AKAP7: variants seen among roughly 807,000 people sequenced by gnomAD.
The protein encoded by AKAP7 is A kinase (PRKA) anchor protein 7.
Under a neutral mutation model 39.5 loss-of-function variants are expected in AKAP7, and 39 were observed. The ratio of observed to expected loss-of-function variants is 0.99; its 90% confidence interval spans 0.76 to 1.29. The LOEUF is 1.29. Ranked by LOEUF, AKAP7 falls within the 50% of genes most tolerant of loss-of-function variation. The pLI, the probability that AKAP7 is intolerant of heterozygous loss-of-function variation, is 0.00. For missense variants in AKAP7, 414 were observed against 407.7 expected (o/e 1.02, Z -0.13); for synonymous variants, 140 against 139.1 (o/e 1.01, Z -0.05).
At chr6:131,140,092 A>T (rs943883463) in intron 1 of AKAP7, among the ~76,000 whole-genome samples, 1 of 152,166 alleles carries the variant, frequency 6.6e-6, no homozygotes, top group African/African-American at 2.4e-5. Context: ...GTCTGGTGTG[A>T]GGTCAAGGTA....
At chr6:131,198,571 C>T (rs571126163) in intron 5 of AKAP7, among the ~76,000 whole-genome samples, 1 of 152,178 alleles carries the variant, frequency 6.6e-6, no homozygotes, top group Admixed American at 6.5e-5. Context: ...GTTAATTATT[C>T]CCCACTACTG....
intron 5 of AKAP7, among the ~76,000 whole-genome samples, chr6:131,186,460 C>T (rs536428170): frequency 2.6e-5 from 4 of 152,146 alleles, no homozygotes; most frequent in East Asian, 1.9e-4. Context: ...GCAGAAATGG[C>T]GTAATACAAC....
intron 1 of AKAP7, among the ~76,000 whole-genome samples, chr6:131,136,085 A>G (rs925517503): frequency 6.6e-6 from 1 of 152,190 alleles, no homozygotes; most frequent in Non-Finnish European, 1.5e-5. Flanking sequence ...CCTTTGCACA[A>G]AGTTCATGCC....
At chr6:131,260,157 G>A (rs1175430313) in intron 7 of AKAP7, among the ~76,000 whole-genome samples, 3 of 152,076 alleles carry the variant, frequency 2.0e-5, no homozygotes, top group Non-Finnish European at 4.4e-5. Context: ...AGGCTGCATA[G>A]TATTCCATGG....
At chr6:131,236,098 G>A (rs1161118904) in intron 7 of AKAP7, among the ~76,000 whole-genome samples, 1 of 152,106 alleles carries the variant, frequency 6.6e-6, no homozygotes, top group Non-Finnish European at 1.5e-5. Flanking sequence ...GTAAAGAAGG[G>A]ATCCAGTTTC....
rs1803390658 is a variant in AKAP7, at chr6:131,165,506, A to G, written c.428+289A>G. ...CCATTTAGCTTAAAATTCTAGATAC[A>G]TATTCTGGAATCATGGCAAAACCAC... On this transcript the variant is annotated intron_variant, in intron 4 of 7. Transcript: ENST00000431975. Among the ~76,000 whole-genome samples, 3 of 152,318 alleles carry G rather than the reference A, an allele frequency of 2.0e-5. No homozygotes were observed. In the South Asian group the frequency reaches 6.2e-4, roughly 32 times the overall value.
chr6:131,250,725 C>G, intron 7 of AKAP7: 2 of 1,106,302 alleles, frequency 1.8e-6, no homozygotes, highest in Non-Finnish European at 2.7e-6. Context: ...GCAGACTAAT[C>G]AGCTATGGTT....
At chr6:131,165,355 A>C (rs753395517) in intron 4 of AKAP7, 138 bp downstream of exon 4, 1 of 589,566 alleles carries the variant, frequency 1.7e-6, no homozygotes, top group Non-Finnish European at 2.9e-6. Flanking sequence ...TAGTTAATAT[A>C]CAGAATAAAC....
At chr6:131,135,913 A>C in intron 1 of AKAP7, 131 bp downstream of exon 1, 11 of 1,028,036 alleles carry the variant, frequency 1.1e-5, no homozygotes, top group South Asian at 4.9e-5. Flanking sequence ...TCCTTCCCAA[A>C]AGGACTCAGG....
Position 131,188,892 on chromosome 6 carries a change from C to T in AKAP7, c.590-10569C>T, listed in dbSNP as rs1216558676. ...GAACTTGCCATTTTTGTGACATCCA[C>T]ATACTGAAATAATATATAGAGATAC... On this transcript the variant is annotated intron_variant, in intron 5 of 7. Coordinates refer to ENST00000431975, the MANE Select transcript of AKAP7 (RefSeq NM_016377.4). Among the ~76,000 whole-genome samples, 6 of 152,268 alleles carry T rather than the reference C, an allele frequency of 3.9e-5. No individual in the cohort carries two copies. The East Asian group carries it at 1.2e-3, about 29-fold the overall frequency.
At position 131,282,494 on chromosome 6, in the gene AKAP7, T is replaced by C; in HGVS notation, c.*768T>C. ...CAAAGTGAAACAGATAAAGGAACTT[T>C]TATTAAAGCCTGAGACTCAGGCCAG... On this transcript the variant is annotated 3_prime_UTR_variant, in exon 8 of 8. Transcript: ENST00000431975. 1.3e-6 allele frequency: 2 copies of C among 1,535,886 alleles called. No homozygotes were observed. The highest frequency in any genetic ancestry group is 1.7e-6 in the Non-Finnish European group (2 of 1,146,786).
chr6:131,141,778 CTA>C (rs1295191366), intron 1 of AKAP7, among the ~76,000 whole-genome samples: 1 of 152,134 alleles, frequency 6.6e-6, no homozygotes, highest in African/African-American at 2.4e-5. Flanking sequence ...GTTAACGTCT[CTA>C]TGTTATGCCC....
At chr6:131,173,882 GA>G (rs1479341838) in intron 5 of AKAP7, among the ~76,000 whole-genome samples, 3 of 152,134 alleles carry the variant, frequency 2.0e-5, no homozygotes, top group Non-Finnish European at 4.4e-5. Context: ...GCAACATTGA[GA>G]ATTCCATCCA....
the AKAP7 span, among the ~76,000 whole-genome samples, chr6:131,130,009 A>G: frequency 6.6e-6 from 1 of 152,204 alleles, no homozygotes; most frequent in Non-Finnish European, 1.5e-5. Context: ...TGAAGAGAGA[A>G]CTCACCATAA....
chr6:131,199,367 A>C (rs1190789), intron 5 of AKAP7, 94 bp from the exon 6 acceptor site: 5 of 814,888 alleles, frequency 6.1e-6, no homozygotes, highest in Non-Finnish European at 9.8e-6. Flanking sequence ...CTGTAAAATA[A>C]TTAGTGATTG....
At chr6:131,154,468 G>GTTTTTTTTTTTT in intron 2 of AKAP7, among the ~76,000 whole-genome samples, 1 of 112,542 alleles carries the variant, frequency 8.9e-6, no homozygotes, top group Non-Finnish European at 1.8e-5. Flanking sequence ...CCCTGTCCCT[G>GTTTTTTTTTTTT]TTTTTTTTTT....
chr6:131,272,295 T>C (rs2128335556), intron 7 of AKAP7, among the ~76,000 whole-genome samples: 1 of 152,318 alleles, frequency 6.6e-6, no homozygotes, highest in East Asian at 1.9e-4. Flanking sequence ...TTATCAATTT[T>C]ATAGATTTTT....
intron 7 of AKAP7, chr6:131,253,052 C>T (rs199768342): frequency 3.7e-5 from 60 of 1,613,502 alleles, no homozygotes; most frequent in African/African-American, 3.2e-4. Context: ...TTGGAAAGCT[C>T]GTCCTCTGCA....
intron 1 of AKAP7, among the ~76,000 whole-genome samples, chr6:131,141,643 G>A (rs1436503587): frequency 6.6e-6 from 1 of 152,176 alleles, no homozygotes; most frequent in African/African-American, 2.4e-5. Context: ...GGAAGATGAG[G>A]GAAGGTTTGG....
Sources: allele counts gnomAD v4.1 joint callset (sites outside exome capture counted in the v4.1 genomes callset), GRCh38; gene constraint gnomAD v4.1.1; transcripts MANE v1.5; gene names NCBI Gene and HGNC (gene_info 2026-07-23, HGNC 2026-07-21).